The following SLC35D4 variants were observed in gnomAD, a reference collection of about 807,000 sequenced individuals.
SLC35D4 encodes the protein UDP-N-acetylglucosamine transporter SLC35D4.
At chr18:23,363,364 ATTTTT>A in the SLC35D4 span, among the ~76,000 whole-genome samples, 46 of 90,442 alleles carry the variant, frequency 5.1e-4, no homozygotes, top group South Asian at 1.1e-3. Context: ...ACAAAAGCAC[ATTTTT>A]TTTTTTTTTT....
the SLC35D4 span, among the ~76,000 whole-genome samples, chr18:23,347,955 C>T: frequency 6.6e-6 from 1 of 152,150 alleles, no homozygotes. Context: ...GACCTTCATT[C>T]ATTTCTGATA....
At chr18:23,311,242 G>A in the SLC35D4 span, among the ~76,000 whole-genome samples, 1 of 151,724 alleles carries the variant, frequency 6.6e-6, no homozygotes, top group South Asian at 2.1e-4. Context: ...GGCATACACT[G>A]CCACACCCAG....
At chr18:23,341,371 T>C in the SLC35D4 span, among the ~76,000 whole-genome samples, 1 of 152,220 alleles carries the variant, frequency 6.6e-6, no homozygotes, top group African/African-American at 2.4e-5. Context: ...GAGACAGACA[T>C]GGATGCCTTC....
At chr18:23,332,942 G>A in the SLC35D4 span, among the ~76,000 whole-genome samples, 4 of 152,038 alleles carry the variant, frequency 2.6e-5, no homozygotes, top group South Asian at 2.1e-4. Flanking sequence ...TTCTGTCTCC[G>A]AAATGCTGGG....
the SLC35D4 span, among the ~76,000 whole-genome samples, chr18:23,410,670 G>A: frequency 7.2e-5 from 11 of 151,902 alleles, no homozygotes; most frequent in African/African-American, 1.7e-4. Flanking sequence ...CATGGCGGGC[G>A]CCTGTAGTGC....
chr18:23,411,727 G>T, the SLC35D4 span, among the ~76,000 whole-genome samples: 2 of 151,908 alleles, frequency 1.3e-5, no homozygotes, highest in Non-Finnish European at 2.9e-5. Flanking sequence ...CCTGTTTTTT[G>T]TTTCCATACA....
chr18:23,316,444 C>T, the SLC35D4 span, among the ~76,000 whole-genome samples: 1 of 152,278 alleles, frequency 6.6e-6, no homozygotes, highest in Admixed American at 6.5e-5. Flanking sequence ...TAACTCTATT[C>T]GGCATTAAAA....
the SLC35D4 span, among the ~76,000 whole-genome samples, chr18:23,418,728 C>A: frequency 0.18 from 27,331 of 151,496 alleles, 3,916 homozygotes; most frequent in African/African-American, 0.35. Context: ...AAGCAGTTGG[C>A]CGGGTACGGT....
the SLC35D4 span, among the ~76,000 whole-genome samples, chr18:23,377,440 G>T: frequency 6.6e-6 from 1 of 152,206 alleles, no homozygotes; most frequent in East Asian, 1.9e-4. Flanking sequence ...TGGTTCTGGT[G>T]TTTTCTCTTT....
chr18:23,400,691 G>T, the SLC35D4 span, among the ~76,000 whole-genome samples: 9 of 152,058 alleles, frequency 5.9e-5, no homozygotes, highest in Non-Finnish European at 1.2e-4. Context: ...TCCTAATAAT[G>T]AATAAAAATA....
At chr18:23,364,432 G>A in the SLC35D4 span, among the ~76,000 whole-genome samples, 3,800 of 152,250 alleles carry the variant, frequency 0.025, 57 homozygotes, top group Middle Eastern at 0.058. Flanking sequence ...GCCACAAGGA[G>A]CACAACCAAT....
At chr18:23,371,783 C>T in the SLC35D4 span, among the ~76,000 whole-genome samples, 1 of 151,986 alleles carries the variant, frequency 6.6e-6, no homozygotes, top group Admixed American at 6.6e-5. Flanking sequence ...GTACCCCCTA[C>T]TGTCCCTGAA....
At chr18:23,350,856 G>A in the SLC35D4 span, among the ~76,000 whole-genome samples, 15 of 152,114 alleles carry the variant, frequency 9.9e-5, no homozygotes, top group Admixed American at 8.5e-4. Context: ...AGTGATGATA[G>A]GCAAGAACAC....
the SLC35D4 span, among the ~76,000 whole-genome samples, chr18:23,312,676 G>A: frequency 6.6e-6 from 1 of 152,066 alleles, no homozygotes; most frequent in African/African-American, 2.4e-5. Context: ...TTCTACGTGC[G>A]TGATGCCCCA....
the SLC35D4 span, among the ~76,000 whole-genome samples, chr18:23,287,039 C>T: frequency 6.6e-6 from 1 of 151,238 alleles, no homozygotes; most frequent in African/African-American, 2.4e-5. Flanking sequence ...CCGCTCAATA[C>T]CAATATCCCA....
chr18:23,265,270 G>A, the SLC35D4 span, among the ~76,000 whole-genome samples: 1 of 152,096 alleles, frequency 6.6e-6, no homozygotes, highest in Non-Finnish European at 1.5e-5. Flanking sequence ...CCACGGCCCA[G>A]CCTCCACCCC....
chr18:23,360,768 A>G, the SLC35D4 span, among the ~76,000 whole-genome samples: 1 of 152,188 alleles, frequency 6.6e-6, no homozygotes, highest in African/African-American at 2.4e-5. Context: ...ATCAATTTAA[A>G]AATGTTTTTA....
chr18:23,285,533 G>A, the SLC35D4 span, among the ~76,000 whole-genome samples: 3 of 152,080 alleles, frequency 2.0e-5, no homozygotes, highest in Non-Finnish European at 4.4e-5. Context: ...ATGGTCTGAG[G>A]TGCATGACGT....
At chr18:23,346,234 G>A in the SLC35D4 span, among the ~76,000 whole-genome samples, 1 of 152,122 alleles carries the variant, frequency 6.6e-6, no homozygotes, top group African/African-American at 2.4e-5. Flanking sequence ...CCTGAGCTCT[G>A]GCGATCCTCC....
Sources: gnomAD v4.1 joint callset for allele counts (sites outside exome capture counted in the v4.1 genomes callset) on GRCh38, gnomAD v4.1.1 for gene constraint, MANE v1.5 for transcripts, NCBI Gene and HGNC (gene_info 2026-07-23, HGNC 2026-07-21) for gene names.